The following NOS1AP variants were observed in gnomAD, a reference collection of about 807,000 sequenced individuals.
The protein encoded by NOS1AP is nitric oxide synthase 1 adaptor protein.
A neutral mutation model predicts 56.2 loss-of-function variants in NOS1AP; 21 were observed. The observed-to-expected ratio is 0.37, with a 90% CI of 0.26 to 0.54. The LOEUF is 0.54. Ranked by LOEUF, NOS1AP falls within the 20% of genes least tolerant of loss-of-function variation. NOS1AP has a pLI of 0.84. For missense variants in NOS1AP, 522 were observed against 657.8 expected (o/e 0.79, Z 2.26); for synonymous variants, 270 against 274.6 (o/e 0.98, Z 0.17).
intron 1 of NOS1AP, among the ~76,000 whole-genome samples, chr1:162,108,070 G>A (rs73023269): frequency 0.038 from 5,803 of 152,216 alleles, 143 homozygotes; most frequent in Middle Eastern, 0.082. Flanking sequence ...ACAGAGAAGG[G>A]CCAGAAACTA....
chr1:162,224,667 C>T (rs895139094), intron 2 of NOS1AP, among the ~76,000 whole-genome samples: 2 of 152,092 alleles, frequency 1.3e-5, no homozygotes, highest in African/African-American at 2.4e-5. Context: ...AACAAGAAGA[C>T]AGAGGAAATG....
At chr1:162,231,993 A>G (rs534054197) in intron 2 of NOS1AP, among the ~76,000 whole-genome samples, 2 of 152,318 alleles carry the variant, frequency 1.3e-5, no homozygotes, top group South Asian at 4.1e-4. Context: ...TGTATTTTCA[A>G]AGTTGGTTTA....
chr1:162,140,734 C>T (rs1470239240), intron 1 of NOS1AP, among the ~76,000 whole-genome samples: 2 of 152,124 alleles, frequency 1.3e-5, no homozygotes, highest in Non-Finnish European at 2.9e-5. Flanking sequence ...ACTTCTCCAC[C>T]GTAGCTGGAC....
At chr1:162,249,457 T>C (rs1447040355) in intron 2 of NOS1AP, among the ~76,000 whole-genome samples, 1 of 152,152 alleles carries the variant, frequency 6.6e-6, no homozygotes, top group Non-Finnish European at 1.5e-5. Context: ...TCCCTTTCCT[T>C]ATGGTGTCTT....
At chr1:162,080,480 A>G (rs1266094312) in intron 1 of NOS1AP, among the ~76,000 whole-genome samples, 3 of 152,094 alleles carry the variant, frequency 2.0e-5, no homozygotes, top group African/African-American at 7.2e-5. Flanking sequence ...GGGAATCCCT[A>G]CCAAGGGGCC....
At chr1:162,243,914 T>G (rs1653577850) in intron 2 of NOS1AP, among the ~76,000 whole-genome samples, 1 of 152,144 alleles carries the variant, frequency 6.6e-6, no homozygotes, top group South Asian at 2.1e-4. Context: ...GATTCAGCGT[T>G]GGTATTGCCT....
intron 3 of NOS1AP, among the ~76,000 whole-genome samples, chr1:162,289,217 C>CT (rs775127413): frequency 0.068 from 1,369 of 20,140 alleles, 108 homozygotes; most frequent in East Asian, 0.36. Flanking sequence ...CCTTTCCTTC[C>CT]TTCCTTCCTT....
intron 1 of NOS1AP, among the ~76,000 whole-genome samples, chr1:162,143,095 C>T (rs1284242663): frequency 2.0e-5 from 3 of 152,052 alleles, no homozygotes; most frequent in African/African-American, 7.2e-5. Context: ...GTGTTTACCT[C>T]AAACTGAGCC....
At chr1:162,294,716 A>G (rs1216649911) in intron 3 of NOS1AP, among the ~76,000 whole-genome samples, 1 of 152,184 alleles carries the variant, frequency 6.6e-6, no homozygotes, top group Non-Finnish European at 1.5e-5. Context: ...GAGACCTCCT[A>G]AAAGGCTCAG....
At chr1:162,290,812 G>A (rs77942890) in intron 3 of NOS1AP, among the ~76,000 whole-genome samples, 2,810 of 152,244 alleles carry the variant, frequency 0.018, 85 homozygotes, top group African/African-American at 0.064. Flanking sequence ...GAAGACCTGG[G>A]TTTCAGTCCT....
At chr1:162,292,033 A>G (rs1266352564) in intron 3 of NOS1AP, among the ~76,000 whole-genome samples, 1 of 152,242 alleles carries the variant, frequency 6.6e-6, no homozygotes, top group African/African-American at 2.4e-5. Flanking sequence ...TTATGAACCA[A>G]TAACTTTCTT....
chr1:162,154,544 A>G lies in NOS1AP; in HGVS notation c.177+68A>G, dbSNP rs555225545. 12 of 1,508,522 alleles carry G rather than the reference A, an allele frequency of 8.0e-6. No individual in the cohort carries two copies. The Admixed American group carries it at 1.4e-4, about 17-fold the overall frequency. 93.4% of individuals were successfully genotyped at this position (1,508,522 alleles called of 1,614,324 possible). A position where few individuals can be genotyped will look rare whatever the true frequency, so the allele number is the denominator to read the frequency against. On this transcript the variant is annotated intron_variant, in intron 2 of 9. Transcript: ENST00000361897. ...GCCTTAGCTGCTGGCCCTTCTAGGT[A>G]GGGCTGGAGGGGCCAAAATGGATGG...
intron 2 of NOS1AP, among the ~76,000 whole-genome samples, chr1:162,257,661 GAAAA>G (rs1403355032): frequency 6.7e-6 from 1 of 148,894 alleles, no homozygotes; most frequent in Non-Finnish European, 1.5e-5. Flanking sequence ...AAAAAAAAAA[GAAAA>G]AAGAAAGCCA....
chr1:162,283,881 C>T (rs577749553), intron 2 of NOS1AP, among the ~76,000 whole-genome samples: 1 of 152,198 alleles, frequency 6.6e-6, no homozygotes, highest in South Asian at 2.1e-4. Context: ...GGGCCAGGCC[C>T]GTTGGCACAG....
chr1:162,140,774 GC>G, intron 1 of NOS1AP, among the ~76,000 whole-genome samples: 1 of 152,196 alleles, frequency 6.6e-6, no homozygotes, highest in African/African-American at 2.4e-5. Context: ...CAGTATAGAA[GC>G]GCGCCCTTTT....
intron 4 of NOS1AP, among the ~76,000 whole-genome samples, chr1:162,330,392 T>C (rs556913060): frequency 1.4e-4 from 22 of 152,268 alleles, no homozygotes; most frequent in African/African-American, 5.3e-4. Context: ...TAGTGTGAGA[T>C]ATGTGCTGTG....
chr1:162,365,272 G>GT, intron 8 of NOS1AP, 132 bp from the exon 9 acceptor site: 1 of 1,530,932 alleles, frequency 6.5e-7, no homozygotes, highest in South Asian at 1.3e-5. Flanking sequence ...CATGCTGCCC[G>GT]TGAAGGGCTT....
Position 162,353,759 on chromosome 1 carries a change from C to A in NOS1AP, c.596-1428C>A, listed in dbSNP as rs141506385. Among the ~76,000 whole-genome samples, 533 of 152,294 alleles carry A rather than the reference C, an allele frequency of 3.5e-3. 5 individuals carry two copies. Among genetic ancestry groups the A allele is most frequent in the African/African-American group, 0.012 (496 of 41,566 alleles). On this transcript the variant is annotated intron_variant, in intron 6 of 9. Transcript: ENST00000361897. ...TTCACCCTGCTTTTTCCTGTACAGGCATGGAGAACCAAACGCTTAGTTCCC... is the reference window on the plus strand; with the variant it reads ...TTCACCCTGCTTTTTCCTGTACAGGAATGGAGAACCAAACGCTTAGTTCCC...
intron 2 of NOS1AP, among the ~76,000 whole-genome samples, chr1:162,225,691 C>G (rs1322356104): frequency 2.0e-5 from 3 of 152,146 alleles, no homozygotes; most frequent in Non-Finnish European, 2.9e-5. Flanking sequence ...TGTCAGTTTG[C>G]TAACCTCTGC....
Sources: gnomAD v4.1 joint callset for allele counts (sites outside exome capture counted in the v4.1 genomes callset) on GRCh38, gnomAD v4.1.1 for gene constraint, MANE v1.5 for transcripts, NCBI Gene and HGNC (gene_info 2026-07-23, HGNC 2026-07-21) for gene names.